The following HPSE2 variants were observed in gnomAD, a reference collection of about 807,000 sequenced individuals.
The protein encoded by HPSE2 is heparanase 2 (inactive).
HPSE2 carries 38 observed loss-of-function variants against 60.5 expected under a neutral mutation model. The ratio of observed to expected loss-of-function variants is 0.63; its 90% CI spans 0.48 to 0.82. The LOEUF is 0.82. Among genes scored for constraint, HPSE2 ranks in the 40% least tolerant of loss-of-function variants. The pLI is 0.00. For synonymous variants in HPSE2, 295 were observed against 293.2 expected (o/e 1.01, Z -0.06); for missense variants, 713 against 740.4 (o/e 0.96, Z 0.43).
intron 11 of HPSE2, among the ~76,000 whole-genome samples, chr10:98,460,768 G>C (rs999862890): frequency 2.0e-5 from 3 of 152,138 alleles, no homozygotes; most frequent in Admixed American, 6.5e-5. Context: ...CCTGAGAAGG[G>C]GGACTACATA....
intron 10 of HPSE2, among the ~76,000 whole-genome samples, chr10:98,488,591 AT>A (rs1941526903): frequency 6.6e-6 from 1 of 152,222 alleles, no homozygotes; most frequent in South Asian, 2.1e-4. Context: ...AAGTCCTCAG[AT>A]TAGCGGTATA....
At chr10:98,572,497 T>C (rs1310458473) in intron 9 of HPSE2, among the ~76,000 whole-genome samples, 1 of 152,106 alleles carries the variant, frequency 6.6e-6, no homozygotes, top group African/African-American at 2.4e-5. Flanking sequence ...TCATGTGCAT[T>C]ACGGATGCCT....
the HPSE2 span, among the ~76,000 whole-genome samples, chr10:99,297,230 C>T: frequency 4.6e-5 from 7 of 152,266 alleles, no homozygotes; most frequent in African/African-American, 1.7e-4. Context: ...GACACCCGCC[C>T]CTCCTGCTGG....
intron 9 of HPSE2, among the ~76,000 whole-genome samples, chr10:98,601,988 G>A (rs1945439993): frequency 6.6e-6 from 1 of 152,152 alleles, no homozygotes; most frequent in Non-Finnish European, 1.5e-5. Flanking sequence ...AGGACGGGAT[G>A]CCAACAGTGA....
chr10:98,589,824 G>A (rs1165500383), intron 9 of HPSE2, among the ~76,000 whole-genome samples: 1 of 152,174 alleles, frequency 6.6e-6, no homozygotes, highest in African/African-American at 2.4e-5. Context: ...TTTGTCCTCA[G>A]CCATGACTGG....
chr10:99,012,982 CAT>C (rs1333541895), intron 3 of HPSE2: 1 of 313,794 alleles, frequency 3.2e-6, no homozygotes, highest in African/African-American at 2.3e-5. Flanking sequence ...TTTTTCTTCT[CAT>C]AGAAAAAGTT....
intron 9 of HPSE2, among the ~76,000 whole-genome samples, chr10:98,550,256 A>G (rs1043456518): frequency 4.7e-5 from 7 of 150,110 alleles, no homozygotes; most frequent in African/African-American, 1.5e-4. Flanking sequence ...TCCCTTTCTC[A>G]GGGTAGCCCT....
At chr10:98,807,052 A>C (rs1951059415) in intron 3 of HPSE2, among the ~76,000 whole-genome samples, 1 of 152,204 alleles carries the variant, frequency 6.6e-6, no homozygotes, top group African/African-American at 2.4e-5. Flanking sequence ...CTGAGGCAGG[A>C]GAATTGCTTG....
intron 2 of HPSE2, among the ~76,000 whole-genome samples, chr10:99,149,372 C>A (rs1480241612): frequency 6.6e-6 from 1 of 152,116 alleles, no homozygotes; most frequent in Non-Finnish European, 1.5e-5. Context: ...GGTATTTTCA[C>A]CTATATTATG....
chr10:99,211,170 T>C (rs1350640008), intron 2 of HPSE2, among the ~76,000 whole-genome samples: 1 of 151,678 alleles, frequency 6.6e-6, no homozygotes, highest in African/African-American at 2.4e-5. Context: ...TTATAATAGC[T>C]TTTACAAAAA....
intron 2 of HPSE2, among the ~76,000 whole-genome samples, chr10:99,208,039 G>T (rs1848821566): frequency 6.7e-6 from 1 of 148,724 alleles, no homozygotes; most frequent in East Asian, 1.9e-4. Context: ...TATAATATAA[G>T]AAGTTATACT....
chr10:99,065,383 A>G (rs1231561082), intron 3 of HPSE2, among the ~76,000 whole-genome samples: 1 of 152,126 alleles, frequency 6.6e-6, no homozygotes, highest in Non-Finnish European at 1.5e-5. Context: ...AACAAAGCCT[A>G]CTTTCTGGAA....
intron 3 of HPSE2, among the ~76,000 whole-genome samples, chr10:98,992,669 A>G (rs144240889): frequency 6.6e-6 from 1 of 152,362 alleles, no homozygotes; most frequent in East Asian, 1.9e-4. Context: ...TACAAAAAAT[A>G]GCAGAATGAT....
chr10:99,220,232 CA>C (rs1387574863), intron 2 of HPSE2, among the ~76,000 whole-genome samples: 1 of 151,632 alleles, frequency 6.6e-6, no homozygotes, highest in East Asian at 1.9e-4. Context: ...TAATTTAGAT[CA>C]GAGAAATATG....
intron 9 of HPSE2, among the ~76,000 whole-genome samples, chr10:98,536,496 G>A (rs562565794): frequency 2.0e-5 from 3 of 152,216 alleles, no homozygotes; most frequent in East Asian, 1.9e-4. Context: ...AAGTGCAGAC[G>A]AATCTCATTA....
chr10:99,011,552 T>C (rs569814535), intron 3 of HPSE2, among the ~76,000 whole-genome samples: 12 of 152,050 alleles, frequency 7.9e-5, no homozygotes, highest in Non-Finnish European at 1.5e-4. Flanking sequence ...CGTCAAGAGA[T>C]AGAGACCATC....
At chr10:98,517,716 T>C (rs1942648135) in intron 9 of HPSE2, among the ~76,000 whole-genome samples, 1 of 152,222 alleles carries the variant, frequency 6.6e-6, no homozygotes, top group South Asian at 2.1e-4. Context: ...TGTACATCCC[T>C]AGTAGATAGA....
chr10:99,308,533 A>G, the HPSE2 span, among the ~76,000 whole-genome samples: 1 of 152,084 alleles, frequency 6.6e-6, no homozygotes, highest in East Asian at 1.9e-4. Context: ...ATTATACGAA[A>G]TTCGTTAACC....
rs143594110 is a variant in HPSE2 at position 98,929,226 on chromosome 10, A to G, written c.611-185170T>C. Among the ~76,000 whole-genome samples the G allele has an allele frequency of 1.5e-4, 21 of 143,330 alleles. 4 individuals carry two copies. Among genetic ancestry groups the G allele is most frequent in the African/African-American group, 6.0e-4 (21 of 35,146 alleles). 94.0% of individuals were successfully genotyped at this position (143,330 alleles called of 152,430 possible). On this transcript the variant is annotated intron_variant, in intron 3 of 11. Transcript: ENST00000370552. The stretch of plus-strand genomic sequence containing the variant: ...CACACCACTGTCAATATGCCAGGCA[A>G]AAGAACAAAGAAATTGGAAGCTTCA...
Sources: allele counts gnomAD v4.1 joint callset (sites outside exome capture counted in the v4.1 genomes callset), GRCh38; gene constraint gnomAD v4.1.1; transcripts MANE v1.5; gene names NCBI Gene and HGNC (gene_info 2026-07-23, HGNC 2026-07-21).